KDM4B: variants seen among roughly 807,000 people sequenced by gnomAD.
The protein encoded by KDM4B is lysine demethylase 4B.
KDM4B carries 32 observed loss-of-function variants against 125.2 expected under a neutral mutation model. The ratio of observed to expected loss-of-function variants is 0.26; its 90% CI spans 0.19 to 0.34. The LOEUF (loss-of-function observed/expected upper bound fraction) is 0.34, where lower values mean the gene tolerates loss of function less well. Among genes scored for constraint, KDM4B ranks in the 10% least tolerant of loss-of-function variants. The pLI, the probability that KDM4B is intolerant of heterozygous loss-of-function variation, is 1.00. For synonymous variants in KDM4B, 721 were observed against 677.9 expected, an observed-to-expected ratio of 1.06 and a Z score of -0.99; for missense variants, 1,190 against 1,577.7, an observed-to-expected ratio of 0.75 and a Z score of 4.16.
At chr19:4,973,849 G>A (rs1276210709) in intron 1 of KDM4B, among the ~76,000 whole-genome samples, 1 of 150,152 alleles carries the variant, frequency 6.7e-6, no homozygotes, top group Non-Finnish European at 1.5e-5. Flanking sequence ...AAAAAAACTG[G>A]CTGGGTGCGG....
chr19:5,105,933 C>T (rs1398424274), intron 9 of KDM4B, among the ~76,000 whole-genome samples: 1 of 152,176 alleles, frequency 6.6e-6, no homozygotes, highest in African/African-American at 2.4e-5. Flanking sequence ...GCCCATGGGC[C>T]CACCTTAGAG....
At chr19:5,042,062 C>T (rs2036837252) in intron 5 of KDM4B, among the ~76,000 whole-genome samples, 1 of 152,256 alleles carries the variant, frequency 6.6e-6, no homozygotes. Context: ...ATAAGCCAGC[C>T]TTGCTTCCGG....
chr19:4,976,681 A>G (rs1444597261), intron 1 of KDM4B, among the ~76,000 whole-genome samples: 1 of 152,248 alleles, frequency 6.6e-6, no homozygotes, highest in Non-Finnish European at 1.5e-5. Flanking sequence ...CCCTGAGCAC[A>G]GAAAGCCTCA....
rs569943191 is a variant in KDM4B, at chr19:5,032,452, G to A, written c.-25-414G>A. Among the ~76,000 whole-genome samples the A allele has an allele frequency of 2.6e-5, 4 of 152,338 alleles. No homozygotes were observed. The South Asian group carries it at 6.2e-4, about 24-fold the overall frequency. On this transcript the variant is annotated intron_variant, in intron 2 of 22. Coordinates refer to ENST00000159111, the MANE Select transcript of KDM4B (RefSeq NM_015015.3). ...GAGCGTGTGACCCTCACCCATGGCC[G>A]CCCTCACCTTCGAAAACCCGCAGAT...
chr19:5,145,975 CCCG>C (rs1248469682), intron 21 of KDM4B, among the ~76,000 whole-genome samples: 1 of 152,236 alleles, frequency 6.6e-6, no homozygotes, highest in Non-Finnish European at 1.5e-5. Context: ...GCCCGCATCT[CCCG>C]CCAGACCTGA....
At chr19:5,052,758 G>A (rs1189815043) in intron 6 of KDM4B, among the ~76,000 whole-genome samples, 3 of 152,230 alleles carry the variant, frequency 2.0e-5, no homozygotes, top group Non-Finnish European at 4.4e-5. Context: ...TGGCGAGCCC[G>A]TCCCAGGCAG....
chr19:5,017,764 A>G (rs1056932109), intron 2 of KDM4B, among the ~76,000 whole-genome samples: 9 of 149,842 alleles, frequency 6.0e-5, no homozygotes, highest in Non-Finnish European at 1.3e-4. Context: ...TTTTTGAGAC[A>G]GAGTCTCCCT....
intron 7 of KDM4B, 50 bp downstream of exon 7, chr19:5,071,109 G>C: frequency 6.3e-7 from 1 of 1,575,502 alleles, no homozygotes; most frequent in Non-Finnish European, 8.7e-7. Flanking sequence ...GGTGGGAGGG[G>C]CCTGTGGGTG....
At chr19:5,076,892 G>A (rs2038134287) in intron 7 of KDM4B, 1 of 173,388 alleles carries the variant, frequency 5.8e-6, no homozygotes. Context: ...CATTGACCGA[G>A]CGACTGTGTG....
chr19:5,100,779 A>G (rs1028102097), intron 9 of KDM4B, among the ~76,000 whole-genome samples: 1 of 151,956 alleles, frequency 6.6e-6, no homozygotes, highest in Non-Finnish European at 1.5e-5. Context: ...TAACCTGTCT[A>G]TTGATGTGTT....
At chr19:5,080,224 G>A (rs1222180089) in intron 8 of KDM4B, among the ~76,000 whole-genome samples, 1 of 152,238 alleles carries the variant, frequency 6.6e-6, no homozygotes, top group Non-Finnish European at 1.5e-5. Flanking sequence ...TCCAAGCTGT[G>A]TCAGTTTTGA....
intron 2 of KDM4B, among the ~76,000 whole-genome samples, chr19:5,029,805 C>T (rs916969525): frequency 2.6e-5 from 4 of 152,178 alleles, no homozygotes; most frequent in East Asian, 1.9e-4. Context: ...CCAGCCTGGG[C>T]GACAGAGCCA....
chr19:5,145,268 A>C, intron 21 of KDM4B, among the ~76,000 whole-genome samples: 1 of 150,604 alleles, frequency 6.6e-6, no homozygotes, highest in African/African-American at 2.5e-5. Context: ...ATGACTGTGG[A>C]AGAGGAATTA....
At chr19:5,057,424 T>A (rs2037446247) in intron 6 of KDM4B, among the ~76,000 whole-genome samples, 1 of 152,244 alleles carries the variant, frequency 6.6e-6, no homozygotes, top group Non-Finnish European at 1.5e-5. Flanking sequence ...TTTAGTCGAC[T>A]TTTTCCATTC....
rs1486753337 is a variant in KDM4B at position 5,152,266 on chromosome 19, CT to C, written c.*756del. The C allele has an allele frequency of 6.6e-6, 1 of 152,326 alleles. No homozygotes were observed. The highest frequency in any genetic ancestry group is 1.5e-5 in the Non-Finnish European group (1 of 68,112). 9.4% of individuals were successfully genotyped at this position (152,326 alleles called of 1,614,324 possible). A position where few individuals can be genotyped will look rare whatever the true frequency, so the allele number is the denominator to read the frequency against. The stretch of plus-strand genomic sequence containing the variant: ...GGCCCAGGCTCTCTGGTGGCCGCCC[CT>C]GTGCACCTGGCCAGGGGAAGCCCGG... On this transcript the variant is annotated 3_prime_UTR_variant, in exon 23 of 23. Transcript: ENST00000159111.
At chr19:5,034,313 C>A (rs1399999257) in intron 3 of KDM4B, among the ~76,000 whole-genome samples, 1 of 152,172 alleles carries the variant, frequency 6.6e-6, no homozygotes, top group Non-Finnish European at 1.5e-5. Flanking sequence ...GTTTGACTAT[C>A]GCTGTTCTTC....
intron 18 of KDM4B, among the ~76,000 whole-genome samples, chr19:5,139,324 G>A (rs2039701486): frequency 6.6e-6 from 1 of 152,078 alleles, no homozygotes; most frequent in South Asian, 2.1e-4. Flanking sequence ...GATGGACGAC[G>A]TTGTGTTGAT....
In KDM4B at chr19:4,997,291, C is replaced by T. The variant is rs1447186488; in HGVS notation, c.-108-18966C>T. Among the ~76,000 whole-genome samples the T allele has an allele frequency of 6.6e-6, 1 of 152,094 alleles. No homozygotes were observed. The highest frequency in any genetic ancestry group is 1.5e-5 in the Non-Finnish European group (1 of 68,024). On this transcript the variant is annotated intron_variant, in intron 1 of 22. Transcript: ENST00000159111. The surrounding 1 kb of genome is among the most constrained non-coding windows in gnomAD (Gnocchi z 4.2). Reference sequence around the variant, plus strand: ...GTTACATAGGATGTTTTCAAGTTGCCTGATGTGTCCTTCCCTTTAGGGCTT... The same window carrying T: ...GTTACATAGGATGTTTTCAAGTTGCTTGATGTGTCCTTCCCTTTAGGGCTT...
rs1331680987 is a variant in KDM4B at position 5,131,871 on chromosome 19, C to T, written c.1786-16C>T. ...TCTGTAGCGGGGCCCTCACTACAGC[C>T]TGTTGTGTGTTTCAGGCACCGTCCA... On this transcript the variant is annotated splice_polypyrimidine_tract_variant and intron_variant, in intron 12 of 22. Coordinates refer to ENST00000159111, the MANE Select transcript of KDM4B (RefSeq NM_015015.3). 6.2e-7 allele frequency: 1 copy of T among 1,612,718 alleles called. No homozygotes were observed. Among genetic ancestry groups the T allele is most frequent in the Non-Finnish European group, 8.5e-7 (1 of 1,179,844 alleles).
Sources: gnomAD v4.1 joint callset for allele counts (sites outside exome capture counted in the v4.1 genomes callset) on GRCh38, gnomAD v4.1.1 for gene constraint, Gnocchi (gnomAD v3.1) non-coding constraint, MANE v1.5 for transcripts, NCBI Gene and HGNC (gene_info 2026-07-23, HGNC 2026-07-21) for gene names.